Variants in SYT7 observed in about 807,000 individuals in gnomAD.
SYT7 encodes the protein synaptotagmin 7.
Under a neutral mutation model 75.1 loss-of-function variants are expected in SYT7, and 29 were observed. The observed-to-expected ratio is 0.39, with a 90% CI of 0.29 to 0.53. The LOEUF (loss-of-function observed/expected upper bound fraction) is 0.53, where lower values mean the gene tolerates loss of function less well. Ranked by LOEUF, SYT7 falls within the 20% of genes least tolerant of loss-of-function variation. The pLI is 0.77. For synonymous variants in SYT7, 376 were observed against 401.7 expected (o/e 0.94, Z 0.76); for missense variants, 693 against 953.2 (o/e 0.73, Z 3.59).
At chr11:61,554,061 G>A (rs1158580456) in intron 2 of SYT7, among the ~76,000 whole-genome samples, 1 of 152,100 alleles carries the variant, frequency 6.6e-6, no homozygotes, top group Non-Finnish European at 1.5e-5. Flanking sequence ...CTGGACCCTG[G>A]GAGGGTTCCT....
intron 1 of SYT7, among the ~76,000 whole-genome samples, chr11:61,558,534 A>ACACACACACACACC (rs1160624168): frequency 2.0e-4 from 29 of 148,046 alleles, no homozygotes; most frequent in African/African-American, 7.7e-4. Flanking sequence ...ACACACACAC[A>ACACACACACACACC]CATATATATA....
chr11:61,536,935 G>T (rs2062886233), intron 7 of SYT7, among the ~76,000 whole-genome samples: 2 of 152,204 alleles, frequency 1.3e-5, no homozygotes. Flanking sequence ...CCAGCCCAAA[G>T]GCCTGTTTCC....
Position 61,546,176 on chromosome 11 carries a change from G to C in SYT7, c.427C>G (p.Pro143Ala). The change falls in exon 5 of 13, where the codon CCG (proline) becomes GCG (alanine). Residue 143 changes from proline to alanine, a missense_variant. By Grantham distance (27) the Pro-to-Ala change is conservative. Coordinates refer to ENST00000539008, the MANE Select transcript of SYT7 (RefSeq NM_001365809.2). This position sits in a 1 kb window ranked among gnomAD's most constrained non-coding sequence, Gnocchi z 7.6. ...TCTCCGGGTGGCGGCACCGGTGCCG[G>C]CTTCTCCCCCAGCCGGCCTTCCCGC... ...VEREGRLGEK[P>A]APVPPPGEDA... The C allele has an allele frequency of 6.6e-7, 1 of 1,521,630 alleles. No individual in the cohort carries two copies. The highest frequency in any genetic ancestry group is 8.8e-7 in the Non-Finnish European group (1 of 1,141,320). The allele number at this position is 1,521,630 out of a possible 1,614,324, so 94.3% of individuals were successfully genotyped here.
intron 12 of SYT7, among the ~76,000 whole-genome samples, chr11:61,520,135 C>CTGACCT (rs2062273173): frequency 1.0e-4 from 14 of 136,200 alleles, no homozygotes; most frequent in Admixed American, 5.4e-4. Flanking sequence ...CGTGATCTGC[C>CTGACCT]CGCCTTGGCC....
At chr11:61,567,096 A>G (rs1012899798) in intron 1 of SYT7, among the ~76,000 whole-genome samples, 6 of 152,206 alleles carry the variant, frequency 3.9e-5, no homozygotes, top group Non-Finnish European at 8.8e-5. Flanking sequence ...GCTCCCAGAA[A>G]GGTTTCAGGA....
chr11:61,559,616 C>G (rs111349675), intron 1 of SYT7, among the ~76,000 whole-genome samples: 8 of 152,262 alleles, frequency 5.3e-5, no homozygotes, highest in African/African-American at 1.9e-4. Flanking sequence ...CTCCTCTGCT[C>G]TGATGCCCTC....
chr11:61,535,902 G>A (rs1235676353), intron 7 of SYT7, among the ~76,000 whole-genome samples: 1 of 152,160 alleles, frequency 6.6e-6, no homozygotes, highest in African/African-American at 2.4e-5. Context: ...AAAGGCTGAA[G>A]AGGGAGGGAC....
At chr11:61,575,789 C>T (rs1221512427) in intron 1 of SYT7, among the ~76,000 whole-genome samples, 7 of 152,172 alleles carry the variant, frequency 4.6e-5, no homozygotes, top group Non-Finnish European at 1.0e-4. Context: ...CTGTTTACAG[C>T]GGTCCTGGCA....
rs1387279472 is a variant in SYT7 at position 61,546,591 on chromosome 11, G to T, written c.348-336C>A. The T allele has an allele frequency of 6.2e-6, 3 of 480,982 alleles. No homozygotes were observed. The highest frequency in any genetic ancestry group is 4.7e-5 in the Admixed American group (2 of 42,482). 29.8% of individuals were successfully genotyped at this position (480,982 alleles called of 1,614,324 possible). ...GCCTGGGGCAGGGGCGGCGGGGGTTGGGGGAGGGCAGCCACCTCCAACTCT... is the reference window on the plus strand; with the variant it reads ...GCCTGGGGCAGGGGCGGCGGGGGTTTGGGGAGGGCAGCCACCTCCAACTCT... On this transcript the variant is annotated intron_variant, in intron 4 of 12. Transcript: ENST00000539008. This position sits in a 1 kb window ranked among gnomAD's most constrained non-coding sequence, Gnocchi z 7.6.
At chr11:61,529,055 C>T (rs2062620845) in intron 8 of SYT7, among the ~76,000 whole-genome samples, 1 of 152,056 alleles carries the variant, frequency 6.6e-6, no homozygotes, top group African/African-American at 2.4e-5. Flanking sequence ...CCAGTAGTAC[C>T]TAGGAGGTTT....
intron 8 of SYT7, among the ~76,000 whole-genome samples, chr11:61,529,965 G>C (rs2062653042): frequency 1.3e-5 from 2 of 152,170 alleles, no homozygotes; most frequent in African/African-American, 4.8e-5. Flanking sequence ...TCTTAGACTG[G>C]CTGGCCGCCC....
Position 61,523,735 on chromosome 11 carries a change from C to T in SYT7, c.1756+92G>A, listed in dbSNP as rs77632058. The T allele has an allele frequency of 6.7e-3, 8,704 of 1,304,350 alleles. 474 individuals are homozygous for T. The African/African-American group carries it at 0.11, about 17-fold the overall frequency. The allele number at this position is 1,304,350 out of a possible 1,614,324, so 80.8% of individuals were successfully genotyped here. A position where few individuals can be genotyped will look rare whatever the true frequency, so the allele number is the denominator to read the frequency against. On this transcript the variant is annotated intron_variant, in intron 11 of 12. Coordinates refer to ENST00000539008, the MANE Select transcript of SYT7 (RefSeq NM_001365809.2). This position sits in a 1 kb window ranked among gnomAD's most constrained non-coding sequence, Gnocchi z 5.0. ...GGGGTGTGGCGGGTTGGGGTGAGGA[C>T]CACTGCAGACCCTGCTCTCCACATC...
intron 2 of SYT7, among the ~76,000 whole-genome samples, chr11:61,554,287 C>T (rs1024059206): frequency 2.7e-5 from 4 of 147,304 alleles, no homozygotes; most frequent in African/African-American, 5.1e-5. Context: ...CATCTCTCAC[C>T]ACACACACCC....
rs1171516143 is a variant in SYT7, at chr11:61,580,880, T to TCCG, written c.-63_-61dup. 1.5e-5 allele frequency: 17 copies of TCCG among 1,146,556 alleles called. No individual in the cohort carries two copies. The highest frequency in any genetic ancestry group is 1.8e-5 in the Non-Finnish European group (17 of 935,284). The allele number at this position is 1,146,556 out of a possible 1,614,324, so 71.0% of individuals were successfully genotyped here. ...AGAGCCGCCCGCGGCCGCGCGCTGC[T>TCCG]CCGCCGCCGCCGCTGGGCATGGGGC... On this transcript the variant is annotated 5_prime_UTR_variant, in exon 1 of 13. Coordinates refer to ENST00000539008, the MANE Select transcript of SYT7 (RefSeq NM_001365809.2). The surrounding 1 kb of genome is among the most constrained non-coding windows in gnomAD (Gnocchi z 6.1).
At position 61,524,764 on chromosome 11, in the gene SYT7, A is replaced by G. The variant is rs2062459476; in HGVS notation, c.1472-232T>C. The G allele has an allele frequency of 8.4e-6, 4 of 476,440 alleles. No individual in the cohort carries two copies. The highest frequency in any genetic ancestry group is 2.9e-5 in the South Asian group (1 of 34,084). The allele number at this position is 476,440 out of a possible 1,614,324, so 29.5% of individuals were successfully genotyped here. ...CTCCAAGGTGAATGGCATCTCGTCC[A>G]TCTTACAGATGAGGCTCAGACGGCT... On this transcript the variant is annotated intron_variant, in intron 9 of 12. Coordinates refer to ENST00000539008, the MANE Select transcript of SYT7 (RefSeq NM_001365809.2). This position sits in a 1 kb window ranked among gnomAD's most constrained non-coding sequence, Gnocchi z 4.1.
In SYT7 at chr11:61,580,068, C is replaced by T. The variant is rs879616154; in HGVS notation, c.31+722G>A. 3.3e-5 allele frequency among the ~76,000 whole-genome samples: 5 copies of T among 152,126 alleles called. No homozygotes were observed. The highest frequency in any genetic ancestry group is 5.9e-5 in the Non-Finnish European group (4 of 67,996). ...GTGGGCTCCCAGGCCACTCCCCTGG[C>T]GGGCGAAGCAGAAGGCAAAGGAGTT... On this transcript the variant is annotated intron_variant, in intron 1 of 12. Coordinates refer to ENST00000539008, the MANE Select transcript of SYT7 (RefSeq NM_001365809.2). The surrounding 1 kb of genome is among the most constrained non-coding windows in gnomAD (Gnocchi z 6.1).
chr11:61,581,347 C>G (rs2064268701), upstream of SYT7, among the ~76,000 whole-genome samples: 1 of 151,272 alleles, frequency 6.6e-6, no homozygotes, highest in African/African-American at 2.4e-5. Flanking sequence ...CGGGCTCGTC[C>G]GGCCAGGGGA....
intron 8 of SYT7, among the ~76,000 whole-genome samples, chr11:61,532,491 C>T (rs2062742180): frequency 6.6e-6 from 1 of 152,158 alleles, no homozygotes; most frequent in Non-Finnish European, 1.5e-5. Context: ...CAGTGGATTC[C>T]TGCTCTCCTG....
upstream of SYT7, among the ~76,000 whole-genome samples, chr11:61,582,360 T>C (rs2064298077): frequency 6.6e-6 from 1 of 152,102 alleles, no homozygotes; most frequent in African/African-American, 2.4e-5. Context: ...TTGCTGGCTT[T>C]ATACTGCACT....
Sources: gnomAD v4.1 joint callset for allele counts (sites outside exome capture counted in the v4.1 genomes callset) on GRCh38, gnomAD v4.1.1 for gene constraint, Gnocchi (gnomAD v3.1) non-coding constraint, MANE v1.5 for transcripts, NCBI Gene and HGNC (gene_info 2026-07-23, HGNC 2026-07-21) for gene names.